BEND5: variants seen among roughly 807,000 people sequenced by gnomAD.
BEND5 encodes BEN domain containing 5, also known as BEN domain-containing protein 5.
A neutral mutation model predicts 43.9 loss-of-function variants in BEND5; 22 were observed. That is an observed-to-expected ratio of 0.50 (90% CI 0.36 to 0.72). BEND5 has a LOEUF of 0.72. Ranked by LOEUF, BEND5 falls within the 30% of genes least tolerant of loss-of-function variation. BEND5 has a pLI of 0.00. For missense variants in BEND5, 428 were observed against 550.6 expected (o/e 0.78, Z 2.23); for synonymous variants, 228 against 225.9 (o/e 1.01, Z -0.08).
At position 48,750,608 on chromosome 1, in the gene BEND5, G is replaced by A. The variant is rs540637421; in HGVS notation, c.746-7837C>T. Among the ~76,000 whole-genome samples, 231 of 152,166 alleles carry A rather than the reference G, an allele frequency of 1.5e-3. 1 individual carries two copies. The highest frequency in any genetic ancestry group is 2.3e-3 in the Non-Finnish European group (157 of 68,028). On this transcript the variant is annotated intron_variant, in intron 3 of 5. Coordinates refer to ENST00000371833, the MANE Select transcript of BEND5 (RefSeq NM_024603.4). The stretch of plus-strand genomic sequence containing the variant: ...GTGACTTCTTTAAGGTGGCAAGGGG[G>A]GCTTAACAATTTGATTTCTCCGTGC...
chr1:48,744,820 C>T (rs1353662888), intron 3 of BEND5, among the ~76,000 whole-genome samples: 1 of 152,180 alleles, frequency 6.6e-6, no homozygotes, highest in Non-Finnish European at 1.5e-5. Context: ...TCATTTCTTG[C>T]CCCCCACCAA....
chr1:48,737,014 T>C (rs1458793311), intron 4 of BEND5, among the ~76,000 whole-genome samples: 1 of 152,196 alleles, frequency 6.6e-6, no homozygotes, highest in African/African-American at 2.4e-5. Context: ...CCAGGCATGG[T>C]GGCTCACACC....
chr1:48,747,968 G>C (rs1651026799), intron 3 of BEND5, among the ~76,000 whole-genome samples: 1 of 151,674 alleles, frequency 6.6e-6, no homozygotes, highest in Non-Finnish European at 1.5e-5. Flanking sequence ...TTTTACTTCT[G>C]TAAGTAGATA....
intron 3 of BEND5, among the ~76,000 whole-genome samples, chr1:48,751,483 GC>G (rs759316865): frequency 6.6e-6 from 1 of 152,192 alleles, no homozygotes; most frequent in Non-Finnish European, 1.5e-5. Context: ...TGGGTGTGTG[GC>G]CTCAGGCAAG....
intron 4 of BEND5, among the ~76,000 whole-genome samples, chr1:48,738,928 CAG>C (rs2148585347): frequency 6.6e-6 from 1 of 152,230 alleles, no homozygotes; most frequent in Admixed American, 6.5e-5. Context: ...CAGATGTAAA[CAG>C]AGATTCAGAG....
In BEND5 at chr1:48,727,687, C is replaced by T. The variant is rs183743183; in HGVS notation, c.*199G>A. On this transcript the variant is annotated 3_prime_UTR_variant, in exon 6 of 6. Coordinates refer to ENST00000371833, the MANE Select transcript of BEND5 (RefSeq NM_024603.4). ...CCCATTCCCAGAAGGACACCAGTGC[C>T]AGGCTGCTCCTGAGTCTCAGCAAAG... The T allele has an allele frequency of 6.9e-5, 27 of 393,468 alleles. 1 individual carries two copies. The allele number at this position is 393,468 out of a possible 1,614,324, so 24.4% of individuals were successfully genotyped here. A position where few individuals can be genotyped will look rare whatever the true frequency, so the allele number is the denominator to read the frequency against.
chr1:48,734,658 T>C (rs1648730805), intron 5 of BEND5, among the ~76,000 whole-genome samples: 1 of 152,160 alleles, frequency 6.6e-6, no homozygotes, highest in African/African-American at 2.4e-5. Context: ...TCTGCCTGAT[T>C]TGCCACCCCT....
At chr1:48,735,150 A>G (rs1648815409) in intron 5 of BEND5, among the ~76,000 whole-genome samples, 1 of 152,222 alleles carries the variant, frequency 6.6e-6, no homozygotes, top group African/African-American at 2.4e-5. Flanking sequence ...TTTAACAAAA[A>G]CCCCTAAATC....
intron 4 of BEND5, among the ~76,000 whole-genome samples, chr1:48,741,424 T>A (rs921849012): frequency 6.6e-6 from 1 of 152,162 alleles, no homozygotes; most frequent in Non-Finnish European, 1.5e-5. Flanking sequence ...ACTTCCAACT[T>A]GTCATGCCAC....
chr1:48,763,518 A>AAG (rs1028055249), intron 1 of BEND5, among the ~76,000 whole-genome samples: 21 of 151,992 alleles, frequency 1.4e-4, no homozygotes, highest in African/African-American at 3.1e-4. Flanking sequence ...AAAAGAGAGA[A>AAG]AGAGAGAGAG....
At chr1:48,758,544 C>T (rs1393573277) in intron 3 of BEND5, among the ~76,000 whole-genome samples, 2 of 152,234 alleles carry the variant, frequency 1.3e-5, no homozygotes, top group African/African-American at 4.8e-5. Context: ...AGGATCATGT[C>T]TACTTCTTTT....
intron 1 of BEND5, among the ~76,000 whole-genome samples, chr1:48,763,662 C>A (rs1644389962): frequency 6.6e-6 from 1 of 152,182 alleles, no homozygotes; most frequent in African/African-American, 2.4e-5. Flanking sequence ...GCTATGCCTT[C>A]CTGCGCTGAA....
Position 48,736,816 on chromosome 1 carries a change from C to A in BEND5, c.895-364G>T, listed in dbSNP as rs1467676054. On this transcript the variant is annotated intron_variant, in intron 4 of 5. Coordinates refer to ENST00000371833, the MANE Select transcript of BEND5 (RefSeq NM_024603.4). This position sits in a 1 kb window ranked among gnomAD's most constrained non-coding sequence, Gnocchi z 4.0. The stretch of plus-strand genomic sequence containing the variant: ...ATTCTACACTATACTTAGTTTATCA[C>A]AAGGCTGCTCAGAGCCTTACCAAAT... 6.6e-6 allele frequency among the ~76,000 whole-genome samples: 1 copy of A among 152,188 alleles called. No homozygotes were observed. Among genetic ancestry groups the A allele is most frequent in the South Asian group, 2.1e-4 (1 of 4,828 alleles).
chr1:48,772,099 A>G (rs143788826), intron 1 of BEND5, among the ~76,000 whole-genome samples: 28 of 152,316 alleles, frequency 1.8e-4, no homozygotes, highest in Non-Finnish European at 2.6e-4. Context: ...TGCAGACTAT[A>G]TGCTGGGCAC....
At chr1:48,732,274 G>A (rs1648262614) in intron 5 of BEND5, among the ~76,000 whole-genome samples, 2 of 152,110 alleles carry the variant, frequency 1.3e-5, no homozygotes, top group Admixed American at 6.6e-5. Context: ...AATGTCATGT[G>A]GGCATCTGTG....
chr1:48,776,284 G>C (rs1645076950), intron 1 of BEND5, among the ~76,000 whole-genome samples: 1 of 152,200 alleles, frequency 6.6e-6, no homozygotes, highest in Non-Finnish European at 1.5e-5. Context: ...AACAGGTAGG[G>C]AGAAAAATGG....
At chr1:48,759,434 T>TCATTTTATAAATGGGGAAA (rs1644136752) in intron 2 of BEND5, 150 bp from the exon 3 acceptor site, 1 of 1,315,378 alleles carries the variant, frequency 7.6e-7, no homozygotes, top group East Asian at 2.7e-5. Context: ...TCAAAGCCCT[T>TCATTTTATAAATGGGGAAA]CATTTTATAA....
intron 1 of BEND5, among the ~76,000 whole-genome samples, chr1:48,762,658 G>T (rs1165467239): frequency 6.8e-6 from 1 of 147,912 alleles, no homozygotes; most frequent in East Asian, 2.0e-4. Flanking sequence ...GTGTGTGTGT[G>T]TATGTATTTG....
In BEND5 at chr1:48,761,349, A is replaced by G; in HGVS notation, c.348T>C (p.Leu116=). 2.6e-6 allele frequency: 4 copies of G among 1,551,900 alleles called. No homozygotes were observed. The highest frequency in any genetic ancestry group is 3.5e-6 in the Non-Finnish European group (4 of 1,147,014). Residue 116 remains leucine (L), a synonymous_variant, in exon 2 of 6, where the codon CTT becomes CTC. Transcript: ENST00000371833. The stretch of plus-strand genomic sequence containing the variant: ...AAGATTTTGTTACCTTGATGTGTCT[A>G]AGCTGTAAATCTTCTTCCCCATAAT... The part of the protein sequence containing the change: ...VKDYGEEDLQ[L]RHIKRPEGRK...
Sources: gnomAD v4.1 joint callset for allele counts (sites outside exome capture counted in the v4.1 genomes callset) on GRCh38, gnomAD v4.1.1 for gene constraint, Gnocchi (gnomAD v3.1) non-coding constraint, MANE v1.5 for transcripts, NCBI Gene and HGNC (gene_info 2026-07-23, HGNC 2026-07-21) for gene names.